Variants in SLIT1 observed in about 807,000 individuals in gnomAD.
SLIT1 encodes slit guidance ligand 1.
Under a neutral mutation model 186.1 loss-of-function variants are expected in SLIT1, and 66 were observed. The ratio of observed to expected loss-of-function variants is 0.35; its 90% CI spans 0.29 to 0.44. SLIT1 has a LOEUF of 0.44. Ranked by LOEUF, SLIT1 falls within the 20% of genes least tolerant of loss-of-function variation. The pLI is 1.00. For synonymous variants in SLIT1, 761 were observed against 833.8 expected (o/e 0.91, Z 1.50); for missense variants, 1,638 against 2,037.4 (o/e 0.80, Z 3.77).
At chr10:97,075,012 A>G (rs2134649051) in intron 4 of SLIT1, among the ~76,000 whole-genome samples, 1 of 152,348 alleles carries the variant, frequency 6.6e-6, no homozygotes, top group African/African-American at 2.4e-5. Context: ...GGCACCTGCC[A>G]AGGCTGGACT....
At chr10:97,091,169 A>C (rs1307345676) in intron 4 of SLIT1, among the ~76,000 whole-genome samples, 1 of 152,200 alleles carries the variant, frequency 6.6e-6, no homozygotes, top group Non-Finnish European at 1.5e-5. Flanking sequence ...CACAGATTTG[A>C]TTTTTTCCAT....
intron 25 of SLIT1, among the ~76,000 whole-genome samples, chr10:97,026,380 G>A (rs1280863835): frequency 6.6e-6 from 1 of 151,972 alleles, no homozygotes; most frequent in African/African-American, 2.4e-5. Context: ...AGGAGAATTG[G>A]TTGAACCCGG....
chr10:97,160,803 C>T (rs1446840935), intron 3 of SLIT1, among the ~76,000 whole-genome samples: 1 of 152,224 alleles, frequency 6.6e-6, no homozygotes, highest in Non-Finnish European at 1.5e-5. Context: ...TCACCGCAAC[C>T]TCCGCCTCCC....
chr10:97,051,025 CA>C (rs1181613519), intron 13 of SLIT1, among the ~76,000 whole-genome samples: 2 of 152,258 alleles, frequency 1.3e-5, no homozygotes, highest in African/African-American at 4.8e-5. Context: ...GTTAAAGGAA[CA>C]CCCAAAAACG....
At chr10:97,057,426 C>T (rs1200509525) in intron 11 of SLIT1, 145 bp from the exon 12 acceptor site, 4 of 624,360 alleles carry the variant, frequency 6.4e-6, no homozygotes, top group African/African-American at 3.7e-5. Flanking sequence ...GTTATAGCAA[C>T]TTGTCCACAG....
intron 4 of SLIT1, among the ~76,000 whole-genome samples, chr10:97,071,464 C>T (rs149110235): frequency 6.6e-6 from 1 of 152,338 alleles, no homozygotes; most frequent in Non-Finnish European, 1.5e-5. Context: ...CACCACAACC[C>T]TGCAAGGAAG....
Position 97,021,534 on chromosome 10 carries a change from G to T in SLIT1, c.2583-121C>A. The T allele has an allele frequency of 1.2e-6, 1 of 803,542 alleles. No individual in the cohort carries two copies. Among genetic ancestry groups the T allele is most frequent in the Non-Finnish European group, 1.9e-6 (1 of 513,720 alleles). 49.8% of individuals were successfully genotyped at this position (803,542 alleles called of 1,614,324 possible). On this transcript the variant is annotated intron_variant, in intron 25 of 36. Coordinates refer to ENST00000266058, the MANE Select transcript of SLIT1 (RefSeq NM_003061.3). This position sits in a 1 kb window ranked among gnomAD's most constrained non-coding sequence, Gnocchi z 4.5. ...AAAAATCTTAGCCTCCATTTCATGA[G>T]CATTTACTGTATAGTCAGTGCTGCT...
chr10:97,105,750 A>T (rs1032733011), intron 4 of SLIT1, among the ~76,000 whole-genome samples: 2 of 152,240 alleles, frequency 1.3e-5, no homozygotes, highest in Non-Finnish European at 2.9e-5. Flanking sequence ...GGACACATGG[A>T]CATTGTTAGC....
At chr10:97,057,083 G>T in intron 12 of SLIT1, 127 bp downstream of exon 12, 1 of 701,540 alleles carries the variant, frequency 1.4e-6, no homozygotes, top group Non-Finnish European at 2.4e-6. Flanking sequence ...GGGTCTGCCT[G>T]TCTTCCAAGC....
At chr10:97,013,461 A>G (rs1259120594) in intron 30 of SLIT1, among the ~76,000 whole-genome samples, 1 of 152,172 alleles carries the variant, frequency 6.6e-6, no homozygotes, top group African/African-American at 2.4e-5. Flanking sequence ...CCCAGGAGGA[A>G]GCTACTGTTG....
chr10:97,177,173 T>TC (rs933377225), intron 1 of SLIT1, among the ~76,000 whole-genome samples: 1 of 151,962 alleles, frequency 6.6e-6, no homozygotes, highest in African/African-American at 2.4e-5. Context: ...TCCCCTGAGG[T>TC]CCCCCCATCT....
At chr10:97,161,710 G>A (rs148331477) in intron 3 of SLIT1, among the ~76,000 whole-genome samples, 2,254 of 152,278 alleles carry the variant, frequency 0.015, 59 homozygotes, top group African/African-American at 0.051. Context: ...CCCAAGAGGC[G>A]GAGATTGCAG....
Position 97,064,802 on chromosome 10 carries a change from T to TA in SLIT1, c.557+2dup. 1 of 1,606,328 alleles carries TA rather than the reference T, an allele frequency of 6.2e-7. No homozygotes were observed. The highest frequency in any genetic ancestry group is 8.5e-7 in the Non-Finnish European group (1 of 1,176,064). On this transcript the variant is annotated splice_region_variant and intron_variant, in intron 6 of 36. Coordinates refer to ENST00000266058, the MANE Select transcript of SLIT1 (RefSeq NM_003061.3). ...CCTCCTTCCTTTTCCATGCTTTACT[T>TA]ACAGCACCTCCAGCCCCCGCAGAGC...
chr10:97,049,773 C>A (rs538536735), intron 13 of SLIT1, among the ~76,000 whole-genome samples: 1 of 152,240 alleles, frequency 6.6e-6, no homozygotes, highest in African/African-American at 2.4e-5. Context: ...AAAGAAAACT[C>A]AGAAATCATG....
Position 97,185,397 on chromosome 10 carries a change from C to T in SLIT1, c.197+81G>A. On this transcript the variant is annotated intron_variant, in intron 1 of 36. Transcript: ENST00000266058. ...CCCGGACGGGCCCCAATGGTCCTGC[C>T]CCCACCCCCAAGTCCGGAATTGCGT... 3.6e-6 allele frequency: 5 copies of T among 1,404,108 alleles called. No homozygotes were observed. The South Asian group carries it at 5.2e-5, about 15-fold the overall frequency. The allele number at this position is 1,404,108 out of a possible 1,614,324, so 87.0% of individuals were successfully genotyped here. A position where few individuals can be genotyped will look rare whatever the true frequency, so the allele number is the denominator to read the frequency against.
chr10:97,152,466 C>T (rs1375115309), intron 4 of SLIT1, among the ~76,000 whole-genome samples: 2 of 152,160 alleles, frequency 1.3e-5, no homozygotes, highest in Admixed American at 6.5e-5. Context: ...GGGCACCTCC[C>T]GTGTGCCACA....
intron 3 of SLIT1, among the ~76,000 whole-genome samples, chr10:97,161,484 A>G (rs1360608330): frequency 3.3e-5 from 5 of 152,188 alleles, no homozygotes; most frequent in Non-Finnish European, 5.9e-5. Flanking sequence ...TCTTTAATAT[A>G]AAAATGAAAG....
chr10:97,019,907 C>A (rs11188989), intron 26 of SLIT1, among the ~76,000 whole-genome samples: 28 of 152,086 alleles, frequency 1.8e-4, no homozygotes, highest in Non-Finnish European at 3.1e-4. Flanking sequence ...TTTTCAGCAA[C>A]GACTAGCACA....
At chr10:97,003,350 G>A (rs1848329589) in intron 34 of SLIT1, among the ~76,000 whole-genome samples, 1 of 152,254 alleles carries the variant, frequency 6.6e-6, no homozygotes, top group African/African-American at 2.4e-5. Context: ...TAGCAAAGGG[G>A]CAGGACCGAG....
Sources: gnomAD v4.1 joint callset for allele counts (sites outside exome capture counted in the v4.1 genomes callset) on GRCh38, gnomAD v4.1.1 for gene constraint, Gnocchi (gnomAD v3.1) non-coding constraint, MANE v1.5 for transcripts, NCBI Gene and HGNC (gene_info 2026-07-23, HGNC 2026-07-21) for gene names.